The following VPS13A variants were observed in gnomAD, a reference collection of about 807,000 sequenced individuals.
VPS13A encodes intermembrane lipid transfer protein VPS13A.
In VPS13A, 264 loss-of-function variants were observed where a neutral mutation model predicts 390.9. The observed-to-expected ratio is 0.68, with a 90% confidence interval of 0.61 to 0.75. VPS13A has a LOEUF of 0.75. Among genes scored for constraint, VPS13A ranks in the 30% least tolerant of loss-of-function variants. The pLI is 0.00. For synonymous variants in VPS13A, 1,231 were observed against 1,227.1 expected, an observed-to-expected ratio of 1.00 and a Z score of -0.07; for missense variants, 3,409 against 3,733.9, an observed-to-expected ratio of 0.91 and a Z score of 2.27.
chr9:77,403,175 G>GTTTGCA, intron 68 of VPS13A, 61 bp from the exon 69 acceptor site: 1 of 1,217,768 alleles, frequency 8.2e-7, no homozygotes, highest in Non-Finnish European at 1.2e-6. Flanking sequence ...ATAAGGCATT[G>GTTTGCA]TTTGCATTAC....
intron 1 of VPS13A, among the ~76,000 whole-genome samples, chr9:77,192,275 G>T (rs1411360789): frequency 1.3e-5 from 2 of 152,138 alleles, no homozygotes; most frequent in Non-Finnish European, 2.9e-5. Context: ...ACATACAATT[G>T]GTTCTTGGTT....
chr9:77,239,353 CAG>C lies in VPS13A; in HGVS notation c.1900+970_1900+971del, dbSNP rs375758874. Among the ~76,000 whole-genome samples the C allele has an allele frequency of 3.7e-4, 56 of 151,522 alleles. No homozygotes were observed. In the East Asian group the frequency reaches 8.4e-3, roughly 23 times the overall value. ...AGACCAGGTTTCACCAGCCTGGCGA[CAG>C]AGCAACACCCTGCCACACACACCAA... On this transcript the variant is annotated intron_variant, in intron 19 of 71. Coordinates refer to ENST00000360280, the MANE Select transcript of VPS13A (RefSeq NM_033305.3).
In VPS13A at chr9:77,406,574, T is replaced by C. The variant is rs138834657; in HGVS notation, c.9399+587T>C. Among the ~76,000 whole-genome samples, 868 of 152,120 alleles carry C rather than the reference T, an allele frequency of 5.7e-3. 11 individuals are homozygous for C. The highest frequency in any genetic ancestry group is 0.02 in the African/African-American group (836 of 41,506). ...CTGGGATTACAGGCATGTGCCACCA[T>C]GCCGACTAATTTTTGTATTTTTAGT... On this transcript the variant is annotated intron_variant, in intron 70 of 71. Transcript: ENST00000360280.
chr9:77,402,874 G>A (rs1260392108), intron 68 of VPS13A, among the ~76,000 whole-genome samples: 5 of 152,150 alleles, frequency 3.3e-5, no homozygotes, highest in Admixed American at 3.3e-4. Flanking sequence ...TTAGATTTGT[G>A]TTAGTATTTA....
At chr9:77,219,688 G>A (rs1823077144) in intron 10 of VPS13A, among the ~76,000 whole-genome samples, 1 of 150,822 alleles carries the variant, frequency 6.6e-6, no homozygotes. Flanking sequence ...AAATGTTTCT[G>A]CTTTTAAGTA....
chr9:77,177,623 T>C lies in VPS13A; in HGVS notation c.-82T>C. 7.5e-7 allele frequency: 1 copy of C among 1,330,890 alleles called. No individual in the cohort carries two copies. Among genetic ancestry groups the C allele is most frequent in the South Asian group, 1.2e-5 (1 of 84,200 alleles). The allele number at this position is 1,330,890 out of a possible 1,614,324, so 82.4% of individuals were successfully genotyped here. ...GCCGCCCCGGAGCCGGTGAACCGAA[T>C]TACCTCGAGGGAGGGGCGTGGGGAA... On this transcript the variant is annotated 5_prime_UTR_variant, in exon 1 of 72. Coordinates refer to ENST00000360280, the MANE Select transcript of VPS13A (RefSeq NM_033305.3).
In VPS13A at chr9:77,339,837, C is replaced by T. The variant is rs748922513; in HGVS notation, c.6700C>T (p.Arg2234Ter). 6 of 1,613,798 alleles carry T rather than the reference C, an allele frequency of 3.7e-6. No homozygotes were observed. The highest frequency in any genetic ancestry group is 3.4e-6 in the Non-Finnish European group (4 of 1,179,940). ...ACAGTACAAAGCAGACGGAATTCAT[C>T]GAAAGCATCCACCTAATTATAAAAA... ...MLQYKADGIH[R>*]KHPPNYKKPV... Residue 2234 changes from arginine (R) to a stop codon, truncating the protein, a stop_gained, in exon 48 of 72, where the codon CGA (arginine) becomes TGA (stop). Transcript: ENST00000360280. LOFTEE classifies it high-confidence loss of function.
At chr9:77,366,918 T>G (rs1212876866) in intron 61 of VPS13A, 46 bp downstream of exon 61, 1 of 1,588,156 alleles carries the variant, frequency 6.3e-7, no homozygotes, top group East Asian at 2.3e-5. Flanking sequence ...ATATTTCTAT[T>G]TTATATGTCC....
chr9:77,409,559 T>A (rs936038023), intron 71 of VPS13A, among the ~76,000 whole-genome samples: 1 of 151,930 alleles, frequency 6.6e-6, no homozygotes, highest in African/African-American at 2.4e-5. Flanking sequence ...GAAAAAAAAT[T>A]AGATGAATGG....
Position 77,228,133 on chromosome 9 carries a change from G to A in VPS13A, c.1464G>A (p.Leu488=). 1 of 1,598,930 alleles carries A rather than the reference G, an allele frequency of 6.3e-7. No individual in the cohort carries two copies. Among genetic ancestry groups the A allele is most frequent in the South Asian group, 1.1e-5 (1 of 89,246 alleles). ...TGAATATACCTTAGTTTGAAGCCTT[G>A]AAGTTTTTTGTCCACTTGAAAAGTA... ...DPTLLKTFEA[L]KFFVHLKSMS... The change falls in exon 17 of 72, where the codon TTG becomes TTA. Residue 488 remains leucine, a synonymous_variant. Coordinates refer to ENST00000360280, the MANE Select transcript of VPS13A (RefSeq NM_033305.3).
chr9:77,212,779 C>G (rs957638990), intron 7 of VPS13A, among the ~76,000 whole-genome samples, 190 bp from the exon 8 acceptor site: 1 of 152,124 alleles, frequency 6.6e-6, no homozygotes, highest in African/African-American at 2.4e-5. Context: ...TTTTCTGACC[C>G]GCAATGAGCT....
chr9:77,212,793 T>G (rs544704338), intron 7 of VPS13A, among the ~76,000 whole-genome samples, 176 bp from the exon 8 acceptor site: 1 of 152,334 alleles, frequency 6.6e-6, no homozygotes, highest in East Asian at 1.9e-4. Flanking sequence ...ATGAGCTCCT[T>G]CCTTGAAAGC....
rs1016107118 is a variant in VPS13A, at chr9:77,418,539, A to C, written c.*2533A>C. Reference sequence around the variant, plus strand: ...AGTTCTCCAGTGTCTTCCCTTTTAGAGTATACATATTTGCTGCTTTTCCTT... The same window carrying C: ...AGTTCTCCAGTGTCTTCCCTTTTAGCGTATACATATTTGCTGCTTTTCCTT... On this transcript the variant is annotated 3_prime_UTR_variant, in exon 72 of 72. Coordinates refer to ENST00000360280, the MANE Select transcript of VPS13A (RefSeq NM_033305.3). 3.3e-5 allele frequency: 5 copies of C among 152,206 alleles called. No homozygotes were observed. The highest frequency in any genetic ancestry group is 1.2e-4 in the African/African-American group (5 of 41,452). 9.4% of individuals were successfully genotyped at this position (152,206 alleles called of 1,614,324 possible).
intron 70 of VPS13A, among the ~76,000 whole-genome samples, chr9:77,406,605 C>T (rs902026198): frequency 4.6e-5 from 7 of 151,894 alleles, no homozygotes; most frequent in Non-Finnish European, 7.4e-5. Context: ...TTAGTACAGA[C>T]GGTGTTTCAC....
chr9:77,420,619 T>TATG lies in VPS13A; in HGVS notation c.*4619_*4621dup. ...ATTTATATTATAGTTTAACACCTGC[T>TATG]ATGATGATAGATATCACACTGCTAT... On this transcript the variant is annotated 3_prime_UTR_variant, in exon 72 of 72. Coordinates refer to ENST00000360280, the MANE Select transcript of VPS13A (RefSeq NM_033305.3). The TATG allele has an allele frequency of 6.6e-6, 1 of 152,244 alleles. No individual in the cohort carries two copies. The highest frequency in any genetic ancestry group is 2.1e-4 in the South Asian group (1 of 4,830). 9.4% of individuals were successfully genotyped at this position (152,244 alleles called of 1,614,324 possible). A position where few individuals can be genotyped will look rare whatever the true frequency, so the allele number is the denominator to read the frequency against.
At position 77,220,090 on chromosome 9, in the gene VPS13A, C is replaced by T. The variant is rs1336003302; in HGVS notation, c.882+9C>T. The T allele has an allele frequency of 1.9e-6, 3 of 1,596,826 alleles. No individual in the cohort carries two copies. The highest frequency in any genetic ancestry group is 2.7e-5 in the African/African-American group (2 of 74,316). On this transcript the variant is annotated intron_variant, in intron 11 of 71. Coordinates refer to ENST00000360280, the MANE Select transcript of VPS13A (RefSeq NM_033305.3). Reference sequence around the variant, plus strand: ...AATTTAATAAACCACAGGTGATTTTCTTTAATATAATTTTCAATTGTGAAT... The same window carrying T: ...AATTTAATAAACCACAGGTGATTTTTTTTAATATAATTTTCAATTGTGAAT...
intron 71 of VPS13A, among the ~76,000 whole-genome samples, chr9:77,414,655 G>T (rs943721960): frequency 1.3e-5 from 2 of 151,660 alleles, no homozygotes; most frequent in African/African-American, 4.8e-5. Context: ...CGAGTTGATG[G>T]GTGCAGCACA....
At chr9:77,318,659 C>T (rs1829547367) in intron 41 of VPS13A, 68 bp downstream of exon 41, 2 of 1,288,476 alleles carry the variant, frequency 1.6e-6, no homozygotes, top group East Asian at 2.3e-5. Flanking sequence ...GATAATGATA[C>T]ATATGGAATA....
chr9:77,305,788 A>G (rs1564712746), intron 34 of VPS13A, among the ~76,000 whole-genome samples: 2 of 152,184 alleles, frequency 1.3e-5, no homozygotes, highest in Non-Finnish European at 1.5e-5. Context: ...CATTTAGTCT[A>G]ATGCATCCAG....
Sources: allele counts gnomAD v4.1 joint callset (sites outside exome capture counted in the v4.1 genomes callset), GRCh38; gene constraint gnomAD v4.1.1; transcripts MANE v1.5; gene names NCBI Gene and HGNC (gene_info 2026-07-23, HGNC 2026-07-21).